The following ADGRB3 variants were observed in gnomAD, a reference collection of about 807,000 sequenced individuals.
The protein encoded by ADGRB3 is brain-specific angiogenesis inhibitor 3.
ADGRB3 carries 37 observed loss-of-function variants against 193.4 expected under a neutral mutation model. The observed-to-expected ratio is 0.19, with a 90% CI of 0.15 to 0.25. The LOEUF (loss-of-function observed/expected upper bound fraction) is 0.25, where lower values mean the gene tolerates loss of function less well. ADGRB3 is among the 10% of genes least tolerant of loss of function. ADGRB3 has a pLI of 1.00. For synonymous variants in ADGRB3, 690 were observed against 644.2 expected (o/e 1.07, Z -1.08); for missense variants, 1,637 against 1,852.9 (o/e 0.88, Z 2.14).
chr6:68,775,750 T>A (rs1766734155), intron 3 of ADGRB3, among the ~76,000 whole-genome samples: 1 of 152,102 alleles, frequency 6.6e-6, no homozygotes, highest in South Asian at 2.1e-4. Flanking sequence ...TCAACACAAA[T>A]TATGACCTAG....
intron 8 of ADGRB3, among the ~76,000 whole-genome samples, chr6:68,971,454 T>A (rs1768565431): frequency 6.6e-6 from 1 of 152,206 alleles, no homozygotes; most frequent in Non-Finnish European, 1.5e-5. Context: ...GCCAATATCG[T>A]ATTTTCAATA....
chr6:69,027,360 G>A (rs905563244), intron 13 of ADGRB3, among the ~76,000 whole-genome samples: 2 of 152,092 alleles, frequency 1.3e-5, no homozygotes, highest in Admixed American at 1.3e-4. Context: ...CATGCATGGA[G>A]CTGGCATCTC....
chr6:69,178,538 A>C (rs1775494349), intron 17 of ADGRB3, among the ~76,000 whole-genome samples: 1 of 152,204 alleles, frequency 6.6e-6, no homozygotes, highest in Non-Finnish European at 1.5e-5. Context: ...CTATTGCTTT[A>C]TAGGGCCTAT....
chr6:69,212,722 G>T (rs1392011011), intron 17 of ADGRB3, among the ~76,000 whole-genome samples: 2 of 152,096 alleles, frequency 1.3e-5, no homozygotes, highest in Non-Finnish European at 2.9e-5. Flanking sequence ...GGTTTGGTAA[G>T]AAAACTTAAT....
At chr6:68,699,678 C>T (rs1403841818) in intron 3 of ADGRB3, among the ~76,000 whole-genome samples, 1 of 151,614 alleles carries the variant, frequency 6.6e-6, no homozygotes, top group Non-Finnish European at 1.5e-5. Flanking sequence ...ATACCCAGAG[C>T]TCTTAGAGTG....
At chr6:69,065,760 T>TACACACAC (rs1485700358) in intron 16 of ADGRB3, among the ~76,000 whole-genome samples, 2,810 of 117,610 alleles carry the variant, frequency 0.024, 78 homozygotes, top group East Asian at 0.14. Context: ...TTCATGTATA[T>TACACACAC]ATATACACAC....
At chr6:69,093,672 C>CT (rs1255473077) in intron 17 of ADGRB3, among the ~76,000 whole-genome samples, 1 of 147,850 alleles carries the variant, frequency 6.8e-6, no homozygotes, top group Non-Finnish European at 1.5e-5. Flanking sequence ...AGCCTGGGTT[C>CT]GGGGGGATAT....
chr6:69,335,792 CA>C (rs1768832325), intron 24 of ADGRB3, among the ~76,000 whole-genome samples: 1 of 152,002 alleles, frequency 6.6e-6, no homozygotes, highest in Non-Finnish European at 1.5e-5. Context: ...ACACATATAT[CA>C]AGCATTTGTT....
intron 17 of ADGRB3, among the ~76,000 whole-genome samples, chr6:69,101,433 C>CGTGTGTGTGTGTGTGTGTGTGTGT (rs59471051): frequency 4.1e-5 from 6 of 145,286 alleles, no homozygotes; most frequent in African/African-American, 1.5e-4. Context: ...CAGTAAGTAT[C>CGTGTGTGTGTGTGTGTGTGTGTGT]GTGTGTGTGT....
At chr6:68,978,936 C>A (rs1033949800) in intron 10 of ADGRB3, among the ~76,000 whole-genome samples, 1 of 151,138 alleles carries the variant, frequency 6.6e-6, no homozygotes, top group Middle Eastern at 3.4e-3. Context: ...TATGTGTATA[C>A]CTACTTTATA....
chr6:68,676,726 TAAGTA>T (rs1769101082), intron 3 of ADGRB3, among the ~76,000 whole-genome samples: 1 of 152,184 alleles, frequency 6.6e-6, no homozygotes, highest in African/African-American at 2.4e-5. Context: ...TGTAGAGTGC[TAAGTA>T]AAATGACTTT....
rs1160514140 is a variant in ADGRB3 at position 68,831,328 on chromosome 6, T to C, written c.758-99231T>C. On this transcript the variant is annotated intron_variant, in intron 3 of 31. Transcript: ENST00000370598. ...TAAAAAAAAAAAAAAAAAAAAAAGC[T>C]GATTTTACTGGTTTTGGACATGCTG... Among the ~76,000 whole-genome samples the C allele has an allele frequency of 7.5e-5, 11 of 145,928 alleles. No homozygotes were observed. The East Asian group carries it at 1.8e-3, about 24-fold the overall frequency.
chr6:69,257,433 A>C (rs1766804277), intron 20 of ADGRB3, among the ~76,000 whole-genome samples: 1 of 152,122 alleles, frequency 6.6e-6, no homozygotes, highest in Non-Finnish European at 1.5e-5. Flanking sequence ...TAGTCTTGGG[A>C]GAGTGTATGT....
chr6:69,072,819 A>T (rs1772114825), intron 16 of ADGRB3, among the ~76,000 whole-genome samples: 1 of 152,210 alleles, frequency 6.6e-6, no homozygotes, highest in Non-Finnish European at 1.5e-5. Flanking sequence ...TAAATATAGC[A>T]TAACTTTATG....
rs576803560 is a variant in ADGRB3 at position 69,212,168 on chromosome 6, G to GA, written c.2481-21116dup. On this transcript the variant is annotated intron_variant, in intron 17 of 31. Coordinates refer to ENST00000370598, the MANE Select transcript of ADGRB3 (RefSeq NM_001704.3). ...CCTCACTTTGAACAGTACAGCATTC[G>GA]AAAAAACATCAAAACTCATTTTTGT... is the stretch of plus-strand genomic sequence containing the variant. Among the ~76,000 whole-genome samples the GA allele has an allele frequency of 3.3e-5, 5 of 152,140 alleles. No homozygotes were observed. The South Asian group carries it at 8.3e-4, about 25-fold the overall frequency.
At chr6:69,371,412 T>C (rs969441911) in intron 29 of ADGRB3, among the ~76,000 whole-genome samples, 3 of 152,082 alleles carry the variant, frequency 2.0e-5, no homozygotes, top group Admixed American at 6.6e-5. Context: ...TATTAAATTA[T>C]TGAAGTTTGT....
In ADGRB3 at chr6:69,233,412, A is replaced by C; in HGVS notation, c.2603A>C (p.Glu868Ala). The change falls in exon 18 of 32, where the codon GAA becomes GCA. Residue 868 changes from glutamate (E) to alanine (A), a missense_variant. Coordinates refer to ENST00000370598, the MANE Select transcript of ADGRB3 (RefSeq NM_001704.3). ...TFAILAQQPR[E>A]IIMESSGTPS... ...GCCATTTTGGCTCAGCAACCTAGAGAAATAGTAAGTAACAAAGGGAAAACA... is the reference window on the plus strand; with the variant it reads ...GCCATTTTGGCTCAGCAACCTAGAGCAATAGTAAGTAACAAAGGGAAAACA... 6.2e-7 allele frequency: 1 copy of C among 1,614,050 alleles called. No individual in the cohort carries two copies. The highest frequency in any genetic ancestry group is 1.3e-5 in the African/African-American group (1 of 75,044).
intron 3 of ADGRB3, among the ~76,000 whole-genome samples, chr6:68,750,099 A>C (rs1459248730): frequency 6.6e-6 from 1 of 152,228 alleles, no homozygotes; most frequent in Non-Finnish European, 1.5e-5. Context: ...ATTGCAATTC[A>C]GCAATTAACA....
chr6:68,927,272 G>A (rs9454654), intron 3 of ADGRB3, among the ~76,000 whole-genome samples: 31 of 151,760 alleles, frequency 2.0e-4, no homozygotes, highest in African/African-American at 7.3e-4. Context: ...TCTTTTTCTC[G>A]TGTAACTAAT....
Sources: gnomAD v4.1 joint callset for allele counts (sites outside exome capture counted in the v4.1 genomes callset) on GRCh38, gnomAD v4.1.1 for gene constraint, MANE v1.5 for transcripts, NCBI Gene and HGNC (gene_info 2026-07-23, HGNC 2026-07-21) for gene names.